Variants in GPHN observed in about 807,000 individuals in gnomAD.
GPHN encodes the protein gephyrin.
GPHN carries 17 observed loss-of-function variants against 95.5 expected under a neutral mutation model. The observed-to-expected ratio is 0.18, with a 90% CI of 0.12 to 0.27. The LOEUF is 0.27. Among genes scored for constraint, GPHN ranks in the 10% least tolerant of loss-of-function variants. The pLI is 1.00. For synonymous variants in GPHN, 320 were observed against 322.5 expected, an observed-to-expected ratio of 0.99 and a Z score of 0.08; for missense variants, 660 against 978.1, an observed-to-expected ratio of 0.67 and a Z score of 4.34.
At chr14:66,609,737 C>G (rs999788172) in intron 1 of GPHN, among the ~76,000 whole-genome samples, 1 of 152,086 alleles carries the variant, frequency 6.6e-6, no homozygotes, top group African/African-American at 2.4e-5. Context: ...GTAAATGCTT[C>G]TGATTGTACT....
intron 1 of GPHN, among the ~76,000 whole-genome samples, chr14:66,527,567 G>A (rs1026680695): frequency 4.0e-5 from 6 of 151,834 alleles, no homozygotes; most frequent in Admixed American, 6.6e-5. Flanking sequence ...TTAGGGTATC[G>A]ATTTTATATC....
chr14:67,588,639 A>ATACTCTGATTTTCC, the GPHN span: 1 of 152,232 alleles, frequency 6.6e-6, no homozygotes. Context: ...GAAAGAGTTC[A>ATACTCTGATTTTCC]TACTCTGATT....
In GPHN at chr14:67,144,268, T is replaced by TACATAC. The variant is rs1567400892; in HGVS notation, c.1836+820_1836+821insCATACA. ...AAAAAAAAATATATATATATATATA[T>TACATAC]ATATATATATATATATATACACACA... On this transcript the variant is annotated intron_variant, in intron 18 of 22. Coordinates refer to ENST00000478722, the MANE Select transcript of GPHN (RefSeq NM_020806.5). Among the ~76,000 whole-genome samples the TACATAC allele has an allele frequency of 2.3e-4, 24 of 105,784 alleles. 4 individuals carry two copies. The highest frequency in any genetic ancestry group is 8.4e-4 in the African/African-American group (21 of 24,950). The allele number at this position is 105,784 out of a possible 152,430, so 69.4% of individuals were successfully genotyped here.
chr14:67,506,392 T>C, the GPHN span, among the ~76,000 whole-genome samples: 1 of 152,234 alleles, frequency 6.6e-6, no homozygotes, highest in East Asian at 1.9e-4. Context: ...GGAGGCAAAA[T>C]TAAGTTGCTT....
At chr14:67,544,299 G>A in the GPHN span, among the ~76,000 whole-genome samples, 1 of 152,158 alleles carries the variant, frequency 6.6e-6, no homozygotes, top group Non-Finnish European at 1.5e-5. Flanking sequence ...CTGGTTTAAT[G>A]TTAGGATTTA....
chr14:66,702,669 T>C (rs749654138), intron 2 of GPHN, among the ~76,000 whole-genome samples: 10 of 151,970 alleles, frequency 6.6e-5, no homozygotes, highest in Non-Finnish European at 1.2e-4. Context: ...TCCTCAAAGA[T>C]TGAAATTAGA....
the GPHN span, among the ~76,000 whole-genome samples, chr14:67,329,892 TAAG>T: frequency 1.3e-5 from 2 of 150,966 alleles, no homozygotes; most frequent in Middle Eastern, 7.0e-3. Flanking sequence ...ATATAGAAAC[TAAG>T]AAGATGATGG....
At chr14:67,255,208 C>T in the GPHN span, among the ~76,000 whole-genome samples, 1 of 151,592 alleles carries the variant, frequency 6.6e-6, no homozygotes, top group Non-Finnish European at 1.5e-5. Flanking sequence ...ACACTTCAGA[C>T]ACGTTTTTCA....
intron 8 of GPHN, among the ~76,000 whole-genome samples, chr14:66,957,486 G>A (rs562271171): frequency 1.8e-4 from 28 of 152,024 alleles, no homozygotes; most frequent in Admixed American, 5.9e-4. Flanking sequence ...ATGAGCCACC[G>A]CACCTGGTCC....
the GPHN span, chr14:67,615,494 G>A: frequency 2.6e-6 from 1 of 391,734 alleles, no homozygotes; most frequent in Non-Finnish European, 5.0e-6. Context: ...ATAGGCAAAG[G>A]AGATCTTAAA....
At chr14:67,699,200 C>G in the GPHN span, among the ~76,000 whole-genome samples, 1 of 151,748 alleles carries the variant, frequency 6.6e-6, no homozygotes, top group Admixed American at 6.6e-5. Context: ...TTTCAATGAG[C>G]CAAGTTCGCG....
At chr14:66,635,267 G>GTA (rs2064035430) in intron 1 of GPHN, among the ~76,000 whole-genome samples, 1 of 152,116 alleles carries the variant, frequency 6.6e-6, no homozygotes, top group East Asian at 1.9e-4. Flanking sequence ...GGTCAAAAGA[G>GTA]GTCATAGAGC....
intron 17 of GPHN, among the ~76,000 whole-genome samples, chr14:67,128,583 A>C (rs1490434556): frequency 1.3e-5 from 2 of 152,154 alleles, no homozygotes; most frequent in African/African-American, 2.4e-5. Flanking sequence ...TACCCTATAC[A>C]CCCAAGTGTT....
At chr14:67,347,554 T>A in the GPHN span, 2 of 997,314 alleles carry the variant, frequency 2.0e-6, no homozygotes, top group Non-Finnish European at 3.0e-6. Context: ...GAGGCTGGAA[T>A]GCAATGGCGT....
At chr14:67,647,486 T>G in the GPHN span, 1 of 158,010 alleles carries the variant, frequency 6.3e-6, no homozygotes, top group Non-Finnish European at 1.4e-5. Flanking sequence ...TCTGGTAGTA[T>G]GTCATTTCAT....
intron 1 of GPHN, among the ~76,000 whole-genome samples, chr14:66,593,419 A>T (rs995382806): frequency 6.6e-6 from 1 of 152,146 alleles, no homozygotes; most frequent in Non-Finnish European, 1.5e-5. Context: ...ATTATGGCAG[A>T]AGGGGAAGCA....
intron 9 of GPHN, among the ~76,000 whole-genome samples, chr14:66,988,123 C>G (rs1326531446): frequency 2.0e-5 from 3 of 150,906 alleles, no homozygotes; most frequent in Non-Finnish European, 2.9e-5. Context: ...TTTTCCCCCT[C>G]TTTCTTTCTT....
chr14:67,023,795 T>G, intron 10 of GPHN, 120 bp downstream of exon 10: 2 of 788,326 alleles, frequency 2.5e-6, no homozygotes, highest in Non-Finnish European at 4.4e-6. Context: ...AATATGAATA[T>G]TAGGGCTTTT....
chr14:67,110,018 A>C (rs1567344751), intron 13 of GPHN, 122 bp from the exon 14 acceptor site: 1 of 852,136 alleles, frequency 1.2e-6, no homozygotes, highest in Non-Finnish European at 1.9e-6. Context: ...CCCAAAATGA[A>C]TAAGACTGTA....
Sources: allele counts gnomAD v4.1 joint callset (sites outside exome capture counted in the v4.1 genomes callset), GRCh38; gene constraint gnomAD v4.1.1; transcripts MANE v1.5; gene names NCBI Gene and HGNC (gene_info 2026-07-23, HGNC 2026-07-21).